The following PGCKA1 variants were observed in gnomAD, a reference collection of about 807,000 sequenced individuals.
PGCKA1 encodes the protein PDCD10 and GCKIII kinases-associated protein 1.
the PGCKA1 span, among the ~76,000 whole-genome samples, chr4:37,549,015 A>G: frequency 6.6e-6 from 1 of 152,116 alleles, no homozygotes; most frequent in Non-Finnish European, 1.5e-5. Context: ...GCCTGGAGTA[A>G]TAAGTCATGC....
At chr4:37,508,286 A>G in the PGCKA1 span, among the ~76,000 whole-genome samples, 3 of 151,988 alleles carry the variant, frequency 2.0e-5, no homozygotes, top group East Asian at 5.8e-4. Context: ...ATCCCTTTGA[A>G]TAACTCTTCT....
chr4:37,503,519 G>T, the PGCKA1 span, among the ~76,000 whole-genome samples: 1 of 152,158 alleles, frequency 6.6e-6, no homozygotes, highest in South Asian at 2.1e-4. Context: ...CCTATTTTTA[G>T]TTTGTTGGGG....
the PGCKA1 span, among the ~76,000 whole-genome samples, chr4:37,455,431 G>A: frequency 6.6e-6 from 1 of 152,204 alleles, no homozygotes; most frequent in Non-Finnish European, 1.5e-5. Context: ...CTGGGTCACT[G>A]AGCAGAAATG....
chr4:37,526,137 T>C, the PGCKA1 span, among the ~76,000 whole-genome samples: 2 of 152,230 alleles, frequency 1.3e-5, no homozygotes, highest in East Asian at 1.9e-4. Flanking sequence ...AGCTGAAGAC[T>C]GAATTACTAT....
the PGCKA1 span, among the ~76,000 whole-genome samples, chr4:37,486,876 A>C: frequency 1.3e-5 from 2 of 152,194 alleles, no homozygotes; most frequent in South Asian, 4.1e-4. Context: ...CATTATCTTC[A>C]TCTTGGACAC....
At chr4:37,525,613 T>C in the PGCKA1 span, among the ~76,000 whole-genome samples, 1 of 152,184 alleles carries the variant, frequency 6.6e-6, no homozygotes. Context: ...AGAAAATATA[T>C]TGCAGTCAGC....
chr4:37,478,092 G>A, the PGCKA1 span, among the ~76,000 whole-genome samples: 1 of 151,722 alleles, frequency 6.6e-6, no homozygotes, highest in East Asian at 1.9e-4. Flanking sequence ...GTCTTGTATG[G>A]ATTGGAGAAT....
At chr4:37,569,868 G>A in the PGCKA1 span, among the ~76,000 whole-genome samples, 12 of 151,846 alleles carry the variant, frequency 7.9e-5, no homozygotes, top group Non-Finnish European at 1.3e-4. Flanking sequence ...CAAATATCCC[G>A]TCAAAGCCAG....
the PGCKA1 span, among the ~76,000 whole-genome samples, chr4:37,540,413 G>A: frequency 2.0e-3 from 299 of 152,256 alleles, 4 homozygotes; most frequent in Admixed American, 0.015. Flanking sequence ...AACGTTAATC[G>A]ATAAATGAGT....
the PGCKA1 span, among the ~76,000 whole-genome samples, chr4:37,458,886 A>G: frequency 6.6e-6 from 1 of 152,196 alleles, no homozygotes; most frequent in Non-Finnish European, 1.5e-5. Flanking sequence ...ACCTTATGTA[A>G]CTTGTCTAAC....
chr4:37,507,144 A>G, the PGCKA1 span, among the ~76,000 whole-genome samples: 1 of 151,878 alleles, frequency 6.6e-6, no homozygotes, highest in Non-Finnish European at 1.5e-5. Flanking sequence ...ATCTTTTTCC[A>G]TTCCTTTATT....
At chr4:37,488,194 A>G in the PGCKA1 span, among the ~76,000 whole-genome samples, 4 of 152,226 alleles carry the variant, frequency 2.6e-5, no homozygotes, top group African/African-American at 9.6e-5. Context: ...GTAAAATAAG[A>G]CAATAATAGT....
the PGCKA1 span, among the ~76,000 whole-genome samples, chr4:37,569,122 A>G: frequency 0.19 from 28,322 of 151,936 alleles, 3,006 homozygotes; most frequent in Non-Finnish European, 0.26. Context: ...GAGAGATTAA[A>G]CAACTTCACC....
the PGCKA1 span, among the ~76,000 whole-genome samples, chr4:37,508,351 T>C: frequency 2.0e-5 from 3 of 152,112 alleles, no homozygotes; most frequent in African/African-American, 7.2e-5. Flanking sequence ...AGATTTGCCC[T>C]TTTGAGGCTA....
the PGCKA1 span, among the ~76,000 whole-genome samples, chr4:37,568,544 A>T: frequency 6.6e-6 from 1 of 152,192 alleles, no homozygotes; most frequent in Admixed American, 6.5e-5. Flanking sequence ...CTGAAGAGGC[A>T]TTTCCAAAAG....
chr4:37,499,982 G>A, the PGCKA1 span, among the ~76,000 whole-genome samples: 7 of 134,022 alleles, frequency 5.2e-5, no homozygotes, highest in Middle Eastern at 5.3e-3. Context: ...GAGTCCAGTG[G>A]CACGATCTCG....
chr4:37,590,849 C>A, the PGCKA1 span: 3 of 1,614,176 alleles, frequency 1.9e-6, no homozygotes, highest in Non-Finnish European at 1.7e-6. Flanking sequence ...CATGCCATGC[C>A]TGTGGTTGAC....
the PGCKA1 span, among the ~76,000 whole-genome samples, chr4:37,479,773 T>C: frequency 6.6e-6 from 1 of 152,192 alleles, no homozygotes; most frequent in Non-Finnish European, 1.5e-5. Flanking sequence ...CTTCTCATCC[T>C]GGAAGCAAAG....
chr4:37,488,174 C>T, the PGCKA1 span, among the ~76,000 whole-genome samples: 1 of 152,204 alleles, frequency 6.6e-6, no homozygotes, highest in East Asian at 1.9e-4. Flanking sequence ...ATTTTTTTCA[C>T]ACAGCAATAG....
Sources: allele counts gnomAD v4.1 joint callset (sites outside exome capture counted in the v4.1 genomes callset), GRCh38; gene constraint gnomAD v4.1.1; transcripts MANE v1.5; gene names NCBI Gene and HGNC (gene_info 2026-07-23, HGNC 2026-07-21).